CACNB2: variants seen among roughly 807,000 people sequenced by gnomAD.
CACNB2 encodes the protein voltage-dependent L-type calcium channel subunit beta-2.
In CACNB2, 42 loss-of-function variants were observed where a neutral mutation model predicts 73.3. That is an observed-to-expected ratio of 0.57 (90% CI 0.45 to 0.74). The LOEUF (loss-of-function observed/expected upper bound fraction) is 0.74, where lower values mean the gene tolerates loss of function less well. Among genes scored for constraint, CACNB2 ranks in the 30% least tolerant of loss-of-function variants. CACNB2 has a pLI of 0.00. For missense variants in CACNB2, 940 were observed against 853.0 expected (o/e 1.10, Z -1.27); for synonymous variants, 348 against 310.3 (o/e 1.12, Z -1.28).
chr10:18,391,821 A>G (rs1245557950), intron 2 of CACNB2, among the ~76,000 whole-genome samples: 2 of 148,140 alleles, frequency 1.4e-5, no homozygotes, highest in African/African-American at 5.0e-5. Flanking sequence ...CCAGCTACTC[A>G]GGAGGCTGAA....
At chr10:18,309,246 A>G (rs549140575) in intron 2 of CACNB2, among the ~76,000 whole-genome samples, 1 of 151,914 alleles carries the variant, frequency 6.6e-6, no homozygotes, top group South Asian at 2.1e-4. Context: ...GAAAGAGGGG[A>G]CAATTCAGAA....
intron 3 of CACNB2, among the ~76,000 whole-genome samples, chr10:18,497,776 T>A (rs2049925423): frequency 6.6e-6 from 1 of 152,174 alleles, no homozygotes; most frequent in Non-Finnish European, 1.5e-5. Context: ...TCTTAATTAA[T>A]ATCTTTAGTA....
At chr10:18,157,418 A>G (rs1340270104) in intron 2 of CACNB2, among the ~76,000 whole-genome samples, 1 of 152,226 alleles carries the variant, frequency 6.6e-6, no homozygotes, top group Admixed American at 6.5e-5. Context: ...TAAGGATTAC[A>G]TGAGTTATCA....
rs141855793 is a variant in CACNB2 at position 18,521,530 on chromosome 10, G to C, written c.944+2562G>C. Among the ~76,000 whole-genome samples, 425 of 152,236 alleles carry C rather than the reference G, an allele frequency of 2.8e-3. 2 individuals carry two copies. Among genetic ancestry groups the C allele is most frequent in the African/African-American group, 9.0e-3 (376 of 41,558 alleles). ...CTTTCTTTCTCCTCCTCTTCCCCCGGTCACTATTCAACTTGCCTCAGTAAG... is the reference window on the plus strand; with the variant it reads ...CTTTCTTTCTCCTCCTCTTCCCCCGCTCACTATTCAACTTGCCTCAGTAAG... On this transcript the variant is annotated intron_variant, in intron 9 of 13. Transcript: ENST00000324631.
chr10:18,304,351 G>A (rs1280148075), intron 2 of CACNB2, among the ~76,000 whole-genome samples: 2 of 151,948 alleles, frequency 1.3e-5, no homozygotes, highest in South Asian at 2.1e-4. Context: ...TCTCAAATGA[G>A]GAAATGAACT....
In CACNB2 at chr10:18,224,818, T is replaced by A. The variant is rs556117326; in HGVS notation, c.213+73843T>A. Among the ~76,000 whole-genome samples the A allele has an allele frequency of 6.6e-5, 10 of 152,334 alleles. 1 individual carries two copies. In the South Asian group the frequency reaches 2.1e-3, roughly 32 times the overall value. The stretch of plus-strand genomic sequence containing the variant: ...AATCGAAGTCATGCCATCTCCAGAT[T>A]GCAGGAGCAGAAACAGGTTAAAGGG... On this transcript the variant is annotated intron_variant, in intron 2 of 13. Coordinates refer to ENST00000324631, the MANE Select transcript of CACNB2 (RefSeq NM_201596.3).
chr10:18,426,955 A>ATTTTTTTTTTTTTTTTTTTTTTTT (rs551543429), intron 3 of CACNB2, among the ~76,000 whole-genome samples: 1 of 81,656 alleles, frequency 1.2e-5, no homozygotes, highest in Non-Finnish European at 2.2e-5. Context: ...CCTTTTCTAC[A>ATTTTTTTTTTTTTTTTTTTTTTTT]TTTTTTTTTT....
intron 2 of CACNB2, chr10:18,224,214 T>A (rs2035898969): frequency 6.6e-6 from 1 of 152,164 alleles, no homozygotes; most frequent in African/African-American, 2.4e-5. Flanking sequence ...TTTCTAGGAC[T>A]ATGAACAACT....
At chr10:18,354,652 G>A (rs2357929) in intron 2 of CACNB2, among the ~76,000 whole-genome samples, 13,812 of 152,154 alleles carry the variant, frequency 0.091, 824 homozygotes, top group Admixed American at 0.14. Context: ...CTATAGGGAT[G>A]GGGGAACTAT....
chr10:18,267,163 T>C (rs1052449380), intron 2 of CACNB2, among the ~76,000 whole-genome samples: 3 of 150,054 alleles, frequency 2.0e-5, no homozygotes, highest in Non-Finnish European at 3.0e-5. Flanking sequence ...TGTATTTTCG[T>C]AAGAAATTGA....
chr10:18,386,088 C>A (rs1458396614), intron 2 of CACNB2, among the ~76,000 whole-genome samples: 1 of 152,198 alleles, frequency 6.6e-6, no homozygotes, highest in Admixed American at 6.5e-5. Context: ...ACCACACTAA[C>A]AGTGCATTCG....
At chr10:18,456,311 A>T (rs2047277313) in intron 3 of CACNB2, among the ~76,000 whole-genome samples, 1 of 152,072 alleles carries the variant, frequency 6.6e-6, no homozygotes, top group African/African-American at 2.4e-5. Context: ...GAAAATAGGA[A>T]AATTAGCCAG....
At chr10:18,425,097 T>C (rs751259231) in intron 3 of CACNB2, among the ~76,000 whole-genome samples, 8 of 152,242 alleles carry the variant, frequency 5.3e-5, no homozygotes, top group African/African-American at 9.6e-5. Context: ...ATTACTTTCA[T>C]TGAATACTTT....
chr10:18,161,089 A>G (rs1421407030), intron 2 of CACNB2, among the ~76,000 whole-genome samples: 1 of 152,192 alleles, frequency 6.6e-6, no homozygotes, highest in African/African-American at 2.4e-5. Flanking sequence ...AGGATAAAGA[A>G]GAGGGGAAAA....
intron 3 of CACNB2, among the ~76,000 whole-genome samples, chr10:18,459,159 A>T (rs1034923324): frequency 1.3e-5 from 2 of 152,214 alleles, no homozygotes; most frequent in Non-Finnish European, 2.9e-5. Flanking sequence ...TAAAAATTTT[A>T]AAAACATACA....
At chr10:18,408,263 G>A (rs567813452) in intron 3 of CACNB2, among the ~76,000 whole-genome samples, 1 of 118,300 alleles carries the variant, frequency 8.5e-6, no homozygotes, top group East Asian at 2.5e-4. Flanking sequence ...TTTTGAGATG[G>A]AGTCTTGTTC....
At chr10:18,150,769 C>T in intron 1 of CACNB2, 114 bp from the exon 2 acceptor site, 1 of 643,834 alleles carries the variant, frequency 1.6e-6, no homozygotes, top group South Asian at 2.0e-5. Context: ...TACATGATGG[C>T]AATGTATTAC....
intron 2 of CACNB2, among the ~76,000 whole-genome samples, chr10:18,358,758 A>C (rs1181312069): frequency 6.6e-6 from 1 of 152,180 alleles, no homozygotes; most frequent in African/African-American, 2.4e-5. Context: ...GATGACAAAG[A>C]AGTGTGAATT....
chr10:18,454,340 A>G (rs2047162270), intron 3 of CACNB2, among the ~76,000 whole-genome samples: 1 of 152,162 alleles, frequency 6.6e-6, no homozygotes, highest in African/African-American at 2.4e-5. Flanking sequence ...GCGTTTTTCA[A>G]CCTTTGTCAT....
Sources: allele counts gnomAD v4.1 joint callset (sites outside exome capture counted in the v4.1 genomes callset), GRCh38; gene constraint gnomAD v4.1.1; transcripts MANE v1.5; gene names NCBI Gene and HGNC (gene_info 2026-07-23, HGNC 2026-07-21).